Variants in PDXDC1 observed in about 807,000 individuals in gnomAD.
PDXDC1 encodes pyridoxal-dependent decarboxylase domain-containing protein 1.
PDXDC1 carries 42 observed loss-of-function variants against 100.1 expected under a neutral mutation model. The observed-to-expected ratio is 0.42, with a 90% CI of 0.33 to 0.54. The LOEUF is 0.54. Among genes scored for constraint, PDXDC1 ranks in the 20% least tolerant of loss-of-function variants. The pLI is 0.10. For missense variants in PDXDC1, 636 were observed against 979.2 expected, an observed-to-expected ratio of 0.65 and a Z score of 4.68; for synonymous variants, 260 against 371.7, an observed-to-expected ratio of 0.70 and a Z score of 3.46.
chr16:15,079,296 G>A (rs2045599173), intron 16 of PDXDC1, among the ~76,000 whole-genome samples: 1 of 152,090 alleles, frequency 6.6e-6, no homozygotes, highest in Admixed American at 6.5e-5. Context: ...CTGCACCTTA[G>A]TGCGGGCCTC....
intron 16 of PDXDC1, among the ~76,000 whole-genome samples, chr16:15,031,229 A>G (rs2043046470): frequency 6.8e-6 from 1 of 146,134 alleles, no homozygotes; most frequent in African/African-American, 2.5e-5. Context: ...AGCACTGGCC[A>G]CTATAAGGAT....
At chr16:14,985,181 A>G (rs1432180288) in intron 1 of PDXDC1, among the ~76,000 whole-genome samples, 3 of 151,668 alleles carry the variant, frequency 2.0e-5, no homozygotes, top group Non-Finnish European at 4.4e-5. Flanking sequence ...AAGATGAAAA[A>G]ATTTTTAAAG....
chr16:15,038,699 C>A (rs189206538), downstream of PDXDC1: 61 of 1,430,078 alleles, frequency 4.3e-5, no homozygotes, highest in Non-Finnish European at 5.8e-5. Flanking sequence ...TAAAAAAGAA[C>A]GTGTCAAGGA....
downstream of PDXDC1, chr16:15,040,247 G>A (rs1026248401): frequency 3.0e-5 from 13 of 432,268 alleles, no homozygotes; most frequent in Non-Finnish European, 4.5e-5. Context: ...CAAGCATCTC[G>A]GTGAAAATCG....
chr16:14,983,878 A>G (rs1968601414), intron 1 of PDXDC1, among the ~76,000 whole-genome samples: 1 of 152,264 alleles, frequency 6.6e-6, no homozygotes, highest in Non-Finnish European at 1.5e-5. Context: ...GATACAAAGC[A>G]TTGACCTGGT....
At chr16:15,136,263 CA>C in intron 16 of PDXDC1, 1 of 615,184 alleles carries the variant, frequency 1.6e-6, no homozygotes, top group Non-Finnish European at 2.9e-6. Context: ...GCCTGGAGAG[CA>C]GGGCCCACCA....
At chr16:15,073,277 AG>A (rs2045314780) in intron 16 of PDXDC1, among the ~76,000 whole-genome samples, 1 of 152,144 alleles carries the variant, frequency 6.6e-6, no homozygotes, top group Non-Finnish European at 1.5e-5. Context: ...TGGGGAACAC[AG>A]GGAAGCTCTG....
chr16:15,131,217 G>C, intron 16 of PDXDC1: 1 of 1,590,524 alleles, frequency 6.3e-7, no homozygotes. Flanking sequence ...GGTGGCCCCG[G>C]GCAGCCCAGT....
At chr16:15,044,314 GAAA>G in intron 16 of PDXDC1, 1 of 1,435,132 alleles carries the variant, frequency 7.0e-7, no homozygotes. Flanking sequence ...TTGGGGGAAA[GAAA>G]AAAAAAATGA....
At chr16:15,041,807 A>G (rs1204450702), downstream of PDXDC1, 1 of 715,662 alleles carries the variant, frequency 1.4e-6, no homozygotes, top group African/African-American at 1.7e-5. Context: ...CCGCGCCCAC[A>G]CTGCCACAGC....
At chr16:15,001,263 T>C (rs1973085403) in intron 3 of PDXDC1, among the ~76,000 whole-genome samples, 1 of 152,154 alleles carries the variant, frequency 6.6e-6, no homozygotes, top group Admixed American at 6.5e-5. Flanking sequence ...CCGAGGAGGG[T>C]GGATCACTTG....
At chr16:15,038,521 TG>T, downstream of PDXDC1, 2 of 1,018,482 alleles carry the variant, frequency 2.0e-6, no homozygotes, top group Non-Finnish European at 3.0e-6. Context: ...TTCTTACAGA[TG>T]GGGAAACCAG....
intron 1 of PDXDC1, among the ~76,000 whole-genome samples, chr16:14,994,910 T>G (rs1597368886): frequency 6.6e-6 from 1 of 152,422 alleles, no homozygotes; most frequent in Non-Finnish European, 1.5e-5. Context: ...CAATTGTGAA[T>G]GGGAGTTCAC....
rs758389046 is a variant in PDXDC1 at position 15,017,356 on chromosome 16, T to C, written c.897T>C (p.Pro299=). ...AATGTGATAGCATGACGATGACTCC[T>C]GGCCCGTGGCTGGGTTTGCCAGCTG... ...AAKCDSMTMT[P]GPWLGLPAVP... is the part of the protein sequence containing the mutation. The change falls in exon 11 of 23, where the codon CCT becomes CCC. Residue 299 remains proline (P), a synonymous_variant. Coordinates refer to ENST00000396410, the MANE Select transcript of PDXDC1 (RefSeq NM_015027.4). 1.2e-6 allele frequency: 2 copies of C among 1,613,958 alleles called. No individual in the cohort carries two copies. The highest frequency in any genetic ancestry group is 1.1e-5 in the South Asian group (1 of 91,054).
At chr16:14,995,095 A>ATT (rs1971674705) in intron 1 of PDXDC1, among the ~76,000 whole-genome samples, 1 of 152,294 alleles carries the variant, frequency 6.6e-6, no homozygotes, top group African/African-American at 2.4e-5. Flanking sequence ...AACAGGGACA[A>ATT]TTTGACTTCC....
At chr16:15,044,443 A>T (rs1358163398) in intron 16 of PDXDC1, 9 of 1,384,654 alleles carry the variant, frequency 6.5e-6, no homozygotes, top group Non-Finnish European at 9.3e-6. Context: ...AGGCCAGAAG[A>T]AGACACCGGT....
intron 1 of PDXDC1, among the ~76,000 whole-genome samples, chr16:14,995,450 T>C (rs1273004545): frequency 1.3e-5 from 2 of 152,410 alleles, no homozygotes; most frequent in South Asian, 2.1e-4. Flanking sequence ...CATTTATTGA[T>C]TTGCGTATGT....
At chr16:15,097,858 A>G (rs1417712309) in intron 16 of PDXDC1, among the ~76,000 whole-genome samples, 4 of 150,856 alleles carry the variant, frequency 2.7e-5, no homozygotes, top group Non-Finnish European at 5.9e-5. Flanking sequence ...ACAATGCACT[A>G]TATTTACTTT....
chr16:15,098,757 A>T (rs1341092313), intron 16 of PDXDC1, among the ~76,000 whole-genome samples: 3 of 152,090 alleles, frequency 2.0e-5, no homozygotes, highest in Non-Finnish European at 4.4e-5. Flanking sequence ...ACATGCCTGT[A>T]ATCCCAGCTA....
Sources: gnomAD v4.1 joint callset for allele counts (sites outside exome capture counted in the v4.1 genomes callset) on GRCh38, gnomAD v4.1.1 for gene constraint, MANE v1.5 for transcripts, NCBI Gene and HGNC (gene_info 2026-07-23, HGNC 2026-07-21) for gene names.